AAAS: variants seen among roughly 807,000 people sequenced by gnomAD.
AAAS encodes the protein aladin.
AAAS carries 60 observed loss-of-function variants against 75.6 expected under a neutral mutation model. The ratio of observed to expected loss-of-function variants is 0.79; its 90% confidence interval spans 0.64 to 0.98. AAAS has a LOEUF of 0.98. AAAS is among the 50% of genes least tolerant of loss of function. The probability of loss-of-function intolerance (pLI) is 0.00; values close to 1 mark genes in which losing one functional copy is unlikely to be tolerated. For missense variants in AAAS, 658 were observed against 686.9 expected, an observed-to-expected ratio of 0.96 and a Z score of 0.47; for synonymous variants, 271 against 265.0, an observed-to-expected ratio of 1.02 and a Z score of -0.22.
At chr12:53,319,086 G>A (rs1286813693) in intron 2 of AAAS, among the ~76,000 whole-genome samples, 1 of 152,124 alleles carries the variant, frequency 6.6e-6, no homozygotes, top group East Asian at 1.9e-4. Flanking sequence ...TTGACAGAGG[G>A]CTATTTGGAA....
chr12:53,309,106 T>TA (rs770621532), intron 9 of AAAS, 51 bp downstream of exon 9: 1 of 1,614,220 alleles, frequency 6.2e-7, no homozygotes, highest in Non-Finnish European at 8.5e-7. Flanking sequence ...TTCCAGGAGC[T>TA]AAGTGCCTTT....
intron 1 of AAAS, 139 bp downstream of exon 1, chr12:53,321,204 T>C: frequency 7.4e-7 from 1 of 1,358,770 alleles, no homozygotes; most frequent in South Asian, 1.3e-5. Context: ...TTCCAGCCCT[T>C]CTAGCCTCCT....
chr12:53,315,569 A>T, intron 3 of AAAS, 143 bp from the exon 4 acceptor site: 1 of 1,199,022 alleles, frequency 8.3e-7, no homozygotes, highest in Non-Finnish European at 1.2e-6. Flanking sequence ...CTGGACACCC[A>T]CTCTGGACAC....
intron 13 of AAAS, 67 bp downstream of exon 13, chr12:53,308,215 G>A: frequency 6.2e-7 from 1 of 1,610,300 alleles, no homozygotes; most frequent in Non-Finnish European, 8.5e-7. Flanking sequence ...CTCCAGGCCA[G>A]GGCACGGCCT....
chr12:53,307,774 G>A, intron 15 of AAAS, 61 bp from the exon 16 acceptor site: 1 of 1,612,688 alleles, frequency 6.2e-7, no homozygotes, highest in Non-Finnish European at 8.5e-7. Flanking sequence ...ACCTGGCAGA[G>A]CCATACAGCA....
chr12:53,308,559 G>A, intron 11 of AAAS, 31 bp from the exon 12 acceptor site: 1 of 1,613,430 alleles, frequency 6.2e-7, no homozygotes, highest in Non-Finnish European at 8.5e-7. Context: ...AGAGGTTCTT[G>A]CAAGAAACAG....
intron 3 of AAAS, 35 bp downstream of exon 3, chr12:53,315,692 C>G: frequency 6.2e-7 from 1 of 1,610,302 alleles, no homozygotes; most frequent in African/African-American, 1.3e-5. Flanking sequence ...GAGATAACCA[C>G]AAAACTAGGG....
rs750478250 is a variant in AAAS, at chr12:53,308,955, C to T, written c.996+5G>A. 3 of 1,614,222 alleles carry T rather than the reference C, an allele frequency of 1.9e-6. No individual in the cohort carries two copies. In the South Asian group the frequency reaches 3.3e-5, roughly 18 times the overall value. ...CAGTGTCTGTGAATCAGAGTCCCCT[C>T]TTACCTGACAGCGCCCTGATAGAGT... On this transcript the variant is annotated splice_donor_5th_base_variant and intron_variant, in intron 10 of 15. Coordinates refer to ENST00000209873, the MANE Select transcript of AAAS (RefSeq NM_015665.6).
chr12:53,309,336 G>C, intron 8 of AAAS, 55 bp from the exon 9 acceptor site: 1 of 1,610,218 alleles, frequency 6.2e-7, no homozygotes, highest in Non-Finnish European at 8.5e-7. Flanking sequence ...TCATCTCACA[G>C]TGGGCTGGCC....
rs780649615 is a variant in AAAS, at chr12:53,315,347, G to A, written c.387C>T (p.Phe129=). Reference sequence around the variant, plus strand: ...AAGCCAAACTTACAGACAGATGGGGGAACAGGGACCCATGGAGGGAAGAGG... The same window carrying A: ...AAGCCAAACTTACAGACAGATGGGGAAACAGGGACCCATGGAGGGAAGAGG... ...RWASSLHGSL[F]PHLSLRSEDL... The change falls in exon 4 of 16, where the codon TTC becomes TTT. Residue 129 remains phenylalanine, a synonymous_variant. Coordinates refer to ENST00000209873, the MANE Select transcript of AAAS (RefSeq NM_015665.6). 4.3e-6 allele frequency: 7 copies of A among 1,614,060 alleles called. No individual in the cohort carries two copies. Among genetic ancestry groups the A allele is most frequent in the Non-Finnish European group, 5.9e-6 (7 of 1,180,048 alleles).
rs746531962 is a variant in AAAS, at chr12:53,309,176, T to G, written c.916A>C (p.Thr306Pro). 3.1e-6 allele frequency: 5 copies of G among 1,613,608 alleles called. No individual in the cohort carries two copies. In the South Asian group the frequency reaches 5.5e-5, roughly 18 times the overall value. The stretch of plus-strand genomic sequence containing the variant: ...ACTCACCGAAAGACAGCTGAAGGAG[T>G]GGTAGCCAGGATTTTGCTGCCGTCT... ...SPDGSKILAT[T>P]PSAVFRVWEA... is the part of the protein sequence containing the mutation. Residue 306 changes from threonine to proline, a missense_variant, in exon 9 of 16, where the codon ACT becomes CCT. Transcript: ENST00000209873.
Position 53,308,076 on chromosome 12 carries a change from C to T in AAAS, c.1307G>A (p.Ser436Asn), listed in dbSNP as rs752732620. 6.2e-7 allele frequency: 1 copy of T among 1,614,226 alleles called. No individual in the cohort carries two copies. The highest frequency in any genetic ancestry group is 1.7e-5 in the Admixed American group (1 of 60,026). ...PVILLFRTRN[S>N]PVFELLPCGI... ...CCAGGGAAGGAGCTCAAACACAGGGCTGTTTCGAGTGCGAAAAAGGAGGAT... is the reference window on the plus strand; with the variant it reads ...CCAGGGAAGGAGCTCAAACACAGGGTTGTTTCGAGTGCGAAAAAGGAGGAT... The change falls in exon 14 of 16, where the codon AGC becomes AAC. Residue 436 changes from serine (S) to asparagine (N), a missense_variant. By Grantham distance (46) the Ser-to-Asn change is conservative. Transcript: ENST00000209873.
chr12:53,314,544 A>G (rs1944435877), intron 6 of AAAS, 103 bp from the exon 7 acceptor site: 10 of 1,537,440 alleles, frequency 6.5e-6, no homozygotes, highest in Non-Finnish European at 7.2e-6. Flanking sequence ...AGGATGATCC[A>G]TCCAGGGGCC....
In AAAS at chr12:53,308,072, A is replaced by G. The variant is rs753894698; in HGVS notation, c.1311T>C (p.Pro437=). The G allele has an allele frequency of 2.3e-4, 364 of 1,614,110 alleles. No individual in the cohort carries two copies. The highest frequency in any genetic ancestry group is 3.0e-4 in the Non-Finnish European group (353 of 1,180,038). The change falls in exon 14 of 16, where the codon CCT becomes CCC. Residue 437 remains proline, a synonymous_variant. Coordinates refer to ENST00000209873, the MANE Select transcript of AAAS (RefSeq NM_015665.6). ...VILLFRTRNS[P]VFELLPCGII... ...CTTACCAGGGAAGGAGCTCAAACAC[A>G]GGGCTGTTTCGAGTGCGAAAAAGGA...
intron 2 of AAAS, among the ~76,000 whole-genome samples, chr12:53,319,816 A>G (rs544450652): frequency 2.9e-5 from 4 of 137,290 alleles, no homozygotes; most frequent in African/African-American, 5.3e-5. Flanking sequence ...AAAAAAAAAA[A>G]AAAAAAAAAG....
intron 1 of AAAS, 37 bp from the exon 2 acceptor site, chr12:53,320,729 G>C (rs771914964): frequency 6.2e-7 from 1 of 1,609,906 alleles, no homozygotes; most frequent in Non-Finnish European, 8.5e-7. Flanking sequence ...CGGTGATTCA[G>C]TCTCTTCCCA....
At chr12:53,314,183 G>A (rs895048725) in intron 7 of AAAS, 115 bp downstream of exon 7, 1 of 1,446,456 alleles carries the variant, frequency 6.9e-7, no homozygotes, top group African/African-American at 1.4e-5. Flanking sequence ...TTTTCCCATA[G>A]CCCTGGGAAG....
chr12:53,317,341 A>G (rs1273438536), intron 2 of AAAS, among the ~76,000 whole-genome samples: 1 of 151,944 alleles, frequency 6.6e-6, no homozygotes. Flanking sequence ...GCGGATCACA[A>G]GGTCAAGAGA....
intron 7 of AAAS, among the ~76,000 whole-genome samples, chr12:53,313,695 G>C (rs181509311): frequency 6.6e-6 from 1 of 150,880 alleles, no homozygotes; most frequent in Admixed American, 6.6e-5. Flanking sequence ...TGCAACCTCC[G>C]CCTCCCAGAT....
Sources: gnomAD v4.1 joint callset for allele counts (sites outside exome capture counted in the v4.1 genomes callset) on GRCh38, gnomAD v4.1.1 for gene constraint, MANE v1.5 for transcripts, NCBI Gene and HGNC (gene_info 2026-07-23, HGNC 2026-07-21) for gene names.